Variants in NELL1 observed in about 807,000 individuals in gnomAD.
The protein encoded by NELL1 is neural EGFL like 1, also known as protein kinase C-binding protein NELL1.
A neutral mutation model predicts 107.4 loss-of-function variants in NELL1; 76 were observed. That is an observed-to-expected ratio of 0.71 (90% CI 0.59 to 0.86). The LOEUF is 0.86. Among genes scored for constraint, NELL1 ranks in the 40% least tolerant of loss-of-function variants. The pLI is 0.00. For synonymous variants in NELL1, 353 were observed against 341.2 expected (o/e 1.03, Z -0.38); for missense variants, 1,024 against 1,005.5 (o/e 1.02, Z -0.25).
intron 15 of NELL1, among the ~76,000 whole-genome samples, chr11:21,406,626 A>G (rs1852242692): frequency 6.6e-6 from 1 of 152,040 alleles, no homozygotes; most frequent in African/African-American, 2.4e-5. Context: ...CATCCTACAA[A>G]TGTATCTCCT....
chr11:21,266,662 C>T (rs1030339534), intron 14 of NELL1, among the ~76,000 whole-genome samples: 1 of 151,918 alleles, frequency 6.6e-6, no homozygotes, highest in African/African-American at 2.4e-5. Context: ...TATTGGTGGT[C>T]CCCGGTTTTG....
chr11:21,551,716 GA>G (rs1856591298), intron 16 of NELL1, among the ~76,000 whole-genome samples: 1 of 151,358 alleles, frequency 6.6e-6, no homozygotes, highest in Non-Finnish European at 1.5e-5. Flanking sequence ...AACCATTGTG[GA>G]AGTCAGTGTG....
chr11:21,320,579 A>G (rs1395050436), intron 14 of NELL1, among the ~76,000 whole-genome samples: 2 of 152,166 alleles, frequency 1.3e-5, no homozygotes, highest in Non-Finnish European at 2.9e-5. Context: ...TATTTGACAG[A>G]TGAAGACACT....
rs182445625 is a variant in NELL1 at position 21,407,279 on chromosome 11, G to A, written c.1645+36331G>A. Among the ~76,000 whole-genome samples, 206 of 152,076 alleles carry A rather than the reference G, an allele frequency of 1.4e-3. 1 individual carries two copies. The highest frequency in any genetic ancestry group is 4.8e-3 in the African/African-American group (200 of 41,546). ...AAAAATACCAAAGTTAGCCAGGCAT[G>A]ATGGCGCATGCCTGTAGTCCTAACT... On this transcript the variant is annotated intron_variant, in intron 15 of 19. Transcript: ENST00000357134.
chr11:21,537,643 A>ATTT lies in NELL1; in HGVS notation c.1786+3129_1786+3130insTTT, dbSNP rs1856170642. 2.9e-5 allele frequency among the ~76,000 whole-genome samples: 3 copies of ATTT among 105,218 alleles called. No individual in the cohort carries two copies. The South Asian group carries it at 9.2e-4, about 32-fold the overall frequency. 69.0% of individuals were successfully genotyped at this position (105,218 alleles called of 152,430 possible). ...GTGTAATATTCTCTTGCCTCAAACA[A>ATTT]GTTGTTTGAGGGCAGAGACCTTGTT... is the stretch of plus-strand genomic sequence containing the variant. On this transcript the variant is annotated intron_variant, in intron 16 of 19. Coordinates refer to ENST00000357134, the MANE Select transcript of NELL1 (RefSeq NM_006157.5).
intron 15 of NELL1, among the ~76,000 whole-genome samples, chr11:21,399,324 G>A (rs927288468): frequency 2.6e-5 from 4 of 151,630 alleles, no homozygotes; most frequent in Admixed American, 6.6e-5. Flanking sequence ...GTTGACAATC[G>A]CTTCAGTTGC....
At chr11:21,340,277 C>A (rs534016576) in intron 14 of NELL1, among the ~76,000 whole-genome samples, 2 of 152,158 alleles carry the variant, frequency 1.3e-5, no homozygotes, top group Admixed American at 1.3e-4. Context: ...CTCAGCCTCC[C>A]GAGTAGCTGG....
intron 14 of NELL1, among the ~76,000 whole-genome samples, chr11:21,320,341 A>C (rs993462391): frequency 6.6e-6 from 1 of 152,180 alleles, no homozygotes; most frequent in Admixed American, 6.5e-5. Context: ...ATGGGAAGAG[A>C]TGGAAGCCTT....
chr11:21,043,228 G>A (rs771734664), intron 12 of NELL1, among the ~76,000 whole-genome samples: 17 of 152,210 alleles, frequency 1.1e-4, no homozygotes, highest in Non-Finnish European at 2.1e-4. Flanking sequence ...CTATGACTGG[G>A]CCCAGGCATC....
At chr11:21,071,523 A>T (rs1331321335) in intron 12 of NELL1, among the ~76,000 whole-genome samples, 1 of 152,222 alleles carries the variant, frequency 6.6e-6, no homozygotes, top group Admixed American at 6.5e-5. Context: ...AAGACTGGAT[A>T]TGTTTAAAAT....
At chr11:20,840,759 A>AG (rs1564929996) in intron 3 of NELL1, among the ~76,000 whole-genome samples, 1 of 152,262 alleles carries the variant, frequency 6.6e-6, no homozygotes, top group Non-Finnish European at 1.5e-5. Flanking sequence ...TCCAGGTTCA[A>AG]GGGGAGGAGA....
At chr11:21,543,026 A>C (rs2133980538) in intron 16 of NELL1, among the ~76,000 whole-genome samples, 1 of 152,146 alleles carries the variant, frequency 6.6e-6, no homozygotes, top group South Asian at 2.1e-4. Flanking sequence ...GGGAAGAGAC[A>C]TGTCAGGGTG....
At chr11:21,337,272 A>G (rs1214685912) in intron 14 of NELL1, among the ~76,000 whole-genome samples, 1 of 152,154 alleles carries the variant, frequency 6.6e-6, no homozygotes, top group Non-Finnish European at 1.5e-5. Context: ...AAAATAATGT[A>G]GGAACAAAAG....
chr11:20,870,414 T>A (rs1428885027), intron 4 of NELL1, among the ~76,000 whole-genome samples: 3 of 150,544 alleles, frequency 2.0e-5, no homozygotes, highest in African/African-American at 4.9e-5. Flanking sequence ...GTGTCCTTAA[T>A]AATAGGCTTA....
At chr11:20,787,828 G>T (rs1236715095) in intron 3 of NELL1, among the ~76,000 whole-genome samples, 1 of 152,146 alleles carries the variant, frequency 6.6e-6, no homozygotes, top group Non-Finnish European at 1.5e-5. Flanking sequence ...ACCCTCAAAA[G>T]AAATCCCATA....
At chr11:21,262,484 A>G (rs1848554149) in intron 14 of NELL1, 1 of 151,928 alleles carries the variant, frequency 6.6e-6, no homozygotes, top group Non-Finnish European at 1.5e-5. Flanking sequence ...AATTGCTAAG[A>G]AAACTATCTG....
chr11:20,809,327 G>T (rs1158106651), intron 3 of NELL1, among the ~76,000 whole-genome samples: 3 of 152,132 alleles, frequency 2.0e-5, no homozygotes, highest in Non-Finnish European at 4.4e-5. Flanking sequence ...TCAAACCAGG[G>T]TGATTAGCAT....
rs1850524740 is a variant in NELL1 at position 20,927,440 on chromosome 11, A to G, written c.892A>G (p.Lys298Glu). Residue 298 changes from lysine (K) to glutamate (E), a missense_variant and splice_region_variant, in exon 8 of 20, where the codon AAA becomes GAA. Lys to Glu is a moderately conservative substitution (Grantham distance 56, BLOSUM62 1). Coordinates refer to ENST00000357134, the MANE Select transcript of NELL1 (RefSeq NM_006157.5). ...TGACCATTGCAGGAACTGCACTTGC[A>G]AAGTAAGCCTCTTTGTAAATAAATA... The part of the protein sequence containing the change: ...DGDHCRNCTC[K>E]SGAVECRRMS... 1.2e-6 allele frequency: 2 copies of G among 1,607,800 alleles called. No homozygotes were observed. Among genetic ancestry groups the G allele is most frequent in the East Asian group, 2.2e-5 (1 of 44,812 alleles).
intron 14 of NELL1, among the ~76,000 whole-genome samples, chr11:21,346,292 G>A (rs894407319): frequency 3.9e-5 from 6 of 152,138 alleles, no homozygotes; most frequent in African/African-American, 1.4e-4. Flanking sequence ...ATATTAGCTA[G>A]TGAATTCCAT....
Sources: allele counts gnomAD v4.1 joint callset (sites outside exome capture counted in the v4.1 genomes callset), GRCh38; gene constraint gnomAD v4.1.1; transcripts MANE v1.5; gene names NCBI Gene and HGNC (gene_info 2026-07-23, HGNC 2026-07-21).